MARCHF6: variants seen among roughly 807,000 people sequenced by gnomAD.
MARCHF6 encodes the protein E3 ubiquitin-protein ligase MARCHF6.
In MARCHF6, 31 loss-of-function variants were observed where a neutral mutation model predicts 133.7. The observed-to-expected ratio is 0.23, with a 90% confidence interval of 0.17 to 0.31. The LOEUF is 0.31. MARCHF6 is among the 10% of genes least tolerant of loss of function. The probability of loss-of-function intolerance (pLI) is 1.00; values close to 1 mark genes in which losing one functional copy is unlikely to be tolerated. For missense variants in MARCHF6, 723 were observed against 1,121.6 expected (o/e 0.64, Z 5.08); for synonymous variants, 395 against 402.5 (o/e 0.98, Z 0.22).
chr5:10,359,698 A>G (rs543289056), intron 1 of MARCHF6, among the ~76,000 whole-genome samples: 42 of 152,290 alleles, frequency 2.8e-4, no homozygotes, highest in Non-Finnish European at 5.6e-4. Context: ...GAGTACTCAT[A>G]ATACCTAGTA....
At chr5:10,403,566 G>T in intron 15 of MARCHF6, 25 bp downstream of exon 15, 1 of 1,581,972 alleles carries the variant, frequency 6.3e-7, no homozygotes, top group Non-Finnish European at 8.6e-7. Context: ...AAATGCTGAT[G>T]CTGTACATTT....
Position 10,438,466 on chromosome 5 carries a change from A to C in MARCHF6, c.*4782A>C, listed in dbSNP as rs538277303. The C allele has an allele frequency of 2.6e-5, 4 of 152,224 alleles. No homozygotes were observed. Among genetic ancestry groups the C allele is most frequent in the Non-Finnish European group, 5.9e-5 (4 of 68,042 alleles). 9.4% of individuals were successfully genotyped at this position (152,224 alleles called of 1,614,324 possible). ...TTAATCTGTGAAGCTGAAATTTTTCAGCAAAGGAAATTGCATGGTCAAGTT... is the reference window on the plus strand; with the variant it reads ...TTAATCTGTGAAGCTGAAATTTTTCCGCAAAGGAAATTGCATGGTCAAGTT... On this transcript the variant is annotated 3_prime_UTR_variant, in exon 26 of 26. Transcript: ENST00000274140.
rs1737754753 is a variant in MARCHF6 at position 10,390,431 on chromosome 5, T to C, written c.507T>C (p.His169=). The C allele has an allele frequency of 6.2e-7, 1 of 1,614,110 alleles. No homozygotes were observed. ...SLVWLREQIV[H]GGAPIWLEHA... ...TGTGGTTGAGAGAGCAGATAGTCCA[T>C]GGGGGAGCACCAATTTGGTTGGAGC... Residue 169 remains histidine (H), a synonymous_variant, in exon 6 of 26, where the codon CAT becomes CAC. Coordinates refer to ENST00000274140, the MANE Select transcript of MARCHF6 (RefSeq NM_005885.4).
At chr5:10,376,762 C>T (rs1469410104) in intron 1 of MARCHF6, among the ~76,000 whole-genome samples, 1 of 152,188 alleles carries the variant, frequency 6.6e-6, no homozygotes, top group African/African-American at 2.4e-5. Context: ...CCTGTAACCA[C>T]GCACCACACT....
At chr5:10,380,814 C>A (rs1396254627) in intron 3 of MARCHF6, among the ~76,000 whole-genome samples, 2 of 151,870 alleles carry the variant, frequency 1.3e-5, no homozygotes, top group Non-Finnish European at 2.9e-5. Flanking sequence ...GTAATCCCAG[C>A]TACTTGGGAG....
intron 1 of MARCHF6, among the ~76,000 whole-genome samples, chr5:10,366,667 C>T (rs1273316181): frequency 6.6e-6 from 1 of 152,200 alleles, no homozygotes; most frequent in Non-Finnish European, 1.5e-5. Context: ...AGGCAGCAGC[C>T]TAGCTTCCAC....
intron 1 of MARCHF6, among the ~76,000 whole-genome samples, chr5:10,371,284 GAGTA>G (rs1264922270): frequency 1.3e-5 from 2 of 152,176 alleles, no homozygotes; most frequent in African/African-American, 2.4e-5. Flanking sequence ...GTATTGTGAG[GAGTA>G]AGTGACAGAA....
rs752853060 is a variant in MARCHF6, at chr5:10,403,369, G to A, written c.1198-38G>A. The A allele has an allele frequency of 4.4e-6, 7 of 1,587,080 alleles. No individual in the cohort carries two copies. The South Asian group carries it at 8.1e-5, about 18-fold the overall frequency. The stretch of plus-strand genomic sequence containing the variant: ...AAAATGTTAACTTGGCAAATGTAGG[G>A]GGCACAGATTTCTCTTACCTGTCCT... On this transcript the variant is annotated intron_variant, in intron 14 of 25. Coordinates refer to ENST00000274140, the MANE Select transcript of MARCHF6 (RefSeq NM_005885.4).
intron 1 of MARCHF6, among the ~76,000 whole-genome samples, chr5:10,355,151 T>C (rs1735370376): frequency 6.6e-6 from 1 of 152,236 alleles, no homozygotes; most frequent in Non-Finnish European, 1.5e-5. Flanking sequence ...GCATTCTGAT[T>C]GCAAGTAATT....
At chr5:10,406,455 T>C (rs1361749038) in intron 16 of MARCHF6, among the ~76,000 whole-genome samples, 1 of 151,708 alleles carries the variant, frequency 6.6e-6, no homozygotes, top group Non-Finnish European at 1.5e-5. Context: ...GGTGGTATGA[T>C]CTTGGCTCAC....
chr5:10,411,260 GA>G (rs1303053273), intron 18 of MARCHF6, 72 bp from the exon 19 acceptor site: 2 of 1,181,804 alleles, frequency 1.7e-6, no homozygotes, highest in African/African-American at 3.0e-5. Flanking sequence ...TAAATATGAA[GA>G]AAATGAGTGT....
intron 6 of MARCHF6, 66 bp downstream of exon 6, chr5:10,390,566 G>A (rs998324056): frequency 5.6e-6 from 8 of 1,421,808 alleles, no homozygotes; most frequent in African/African-American, 2.9e-5. Context: ...TTCTCTCTGA[G>A]ACTCAAACTC....
At position 10,434,264 on chromosome 5, in the gene MARCHF6, A is replaced by C. The variant is rs1332163420; in HGVS notation, c.*580A>C. 6.5e-6 allele frequency: 1 copy of C among 153,578 alleles called. No homozygotes were observed. Among genetic ancestry groups the C allele is most frequent in the East Asian group, 1.9e-4 (1 of 5,210 alleles). The allele number at this position is 153,578 out of a possible 1,614,324, so 9.5% of individuals were successfully genotyped here. On this transcript the variant is annotated 3_prime_UTR_variant, in exon 26 of 26. Transcript: ENST00000274140. ...TAGTTGTTTGTGGAAGTTATTTTGTATAACACCAAAGCTGTTGTACATTTC... is the reference window on the plus strand; with the variant it reads ...TAGTTGTTTGTGGAAGTTATTTTGTCTAACACCAAAGCTGTTGTACATTTC...
At chr5:10,380,818 T>G (rs1299079235) in intron 3 of MARCHF6, among the ~76,000 whole-genome samples, 1 of 151,928 alleles carries the variant, frequency 6.6e-6, no homozygotes, top group Non-Finnish European at 1.5e-5. Flanking sequence ...TCCCAGCTAC[T>G]TGGGAGCCTG....
intron 1 of MARCHF6, among the ~76,000 whole-genome samples, chr5:10,373,893 T>C (rs773205101): frequency 2.4e-4 from 36 of 152,184 alleles, no homozygotes; most frequent in African/African-American, 7.0e-4. Flanking sequence ...AGCTCCTATA[T>C]AGATAACTGG....
intron 17 of MARCHF6, among the ~76,000 whole-genome samples, chr5:10,407,432 G>A (rs1268754994): frequency 6.6e-6 from 1 of 152,036 alleles, no homozygotes; most frequent in Non-Finnish European, 1.5e-5. Flanking sequence ...TTTTAGATCA[G>A]ATAAACATTA....
At chr5:10,427,902 TA>T (rs1329229705) in intron 24 of MARCHF6, among the ~76,000 whole-genome samples, 1 of 151,806 alleles carries the variant, frequency 6.6e-6, no homozygotes, top group Non-Finnish European at 1.5e-5. Flanking sequence ...ACCCAACCTC[TA>T]AAAAAAATAA....
intron 1 of MARCHF6, among the ~76,000 whole-genome samples, chr5:10,355,012 G>A (rs545727374): frequency 1.3e-4 from 20 of 152,176 alleles, no homozygotes; most frequent in South Asian, 1.2e-3. Flanking sequence ...GTACATTCGC[G>A]TTCCATCTTC....
At chr5:10,416,998 G>A (rs1739550153) in intron 21 of MARCHF6, among the ~76,000 whole-genome samples, 2 of 152,208 alleles carry the variant, frequency 1.3e-5, no homozygotes, top group Admixed American at 1.3e-4. Context: ...CGTTGGAGCA[G>A]GGGCCTTGGC....
Sources: gnomAD v4.1 joint callset for allele counts (sites outside exome capture counted in the v4.1 genomes callset) on GRCh38, gnomAD v4.1.1 for gene constraint, MANE v1.5 for transcripts, NCBI Gene and HGNC (gene_info 2026-07-23, HGNC 2026-07-21) for gene names.